GPR137B: variants seen among roughly 807,000 people sequenced by gnomAD.
GPR137B encodes integral membrane protein GPR137B.
A neutral mutation model predicts 42.5 loss-of-function variants in GPR137B; 42 were observed. The observed-to-expected ratio is 0.99, with a 90% CI of 0.77 to 1.28. The LOEUF is 1.28. Ranked by LOEUF, GPR137B falls within the 50% of genes most tolerant of loss-of-function variation. The probability of loss-of-function intolerance (pLI) is 0.00; values close to 1 mark genes in which losing one functional copy is unlikely to be tolerated. For synonymous variants in GPR137B, 218 were observed against 209.7 expected (o/e 1.04, Z -0.34); for missense variants, 487 against 493.9 (o/e 0.99, Z 0.13).
chr1:236,145,388 CAATT>C (rs1463832715), intron 1 of GPR137B, among the ~76,000 whole-genome samples: 2 of 152,190 alleles, frequency 1.3e-5, no homozygotes, highest in African/African-American at 4.8e-5. Context: ...TGACAGCTAA[CAATT>C]AAGAAGTATG....
chr1:236,200,980 T>C (rs946588451), intron 5 of GPR137B, among the ~76,000 whole-genome samples: 3 of 152,006 alleles, frequency 2.0e-5, no homozygotes, highest in Non-Finnish European at 4.4e-5. Flanking sequence ...TGAGGTTTTG[T>C]TTCAAGAATT....
chr1:236,143,049 G>T lies in GPR137B; in HGVS notation c.414+13G>T. 6.3e-7 allele frequency: 1 copy of T among 1,586,488 alleles called. No individual in the cohort carries two copies. The highest frequency in any genetic ancestry group is 8.6e-7 in the Non-Finnish European group (1 of 1,167,248). Reference sequence around the variant, plus strand: ...GTACTTCACGCAGGTGAGTTTCAGAGAGGCTCCTGGAGGCGCTCACCTGGC... The same window carrying T: ...GTACTTCACGCAGGTGAGTTTCAGATAGGCTCCTGGAGGCGCTCACCTGGC... On this transcript the variant is annotated intron_variant, in intron 1 of 6. Transcript: ENST00000366592.
intron 5 of GPR137B, among the ~76,000 whole-genome samples, chr1:236,184,619 A>G (rs1662969643): frequency 6.6e-6 from 1 of 152,210 alleles, no homozygotes; most frequent in Non-Finnish European, 1.5e-5. Flanking sequence ...GAAGGCATAG[A>G]TGAGTAATGT....
At chr1:236,204,755 T>C (rs1336912812) in intron 5 of GPR137B, among the ~76,000 whole-genome samples, 2 of 152,204 alleles carry the variant, frequency 1.3e-5, no homozygotes, top group East Asian at 3.8e-4. Flanking sequence ...TATTGGTCTG[T>C]TCGGGTTTTA....
intron 1 of GPR137B, among the ~76,000 whole-genome samples, chr1:236,163,038 G>A (rs532657771): frequency 2.0e-5 from 3 of 152,314 alleles, no homozygotes; most frequent in South Asian, 2.1e-4. Flanking sequence ...GAAAGCAGCC[G>A]GGAGAGAGGC....
chr1:236,181,694 A>C (rs12066756), intron 4 of GPR137B, among the ~76,000 whole-genome samples: 1,801 of 152,260 alleles, frequency 0.012, 48 homozygotes, highest in African/African-American at 0.042. Flanking sequence ...GAAAGGATTA[A>C]AACCACATCT....
rs1661810685 is a variant in GPR137B at position 236,150,185 on chromosome 1, G to T, written c.414+7149G>T. Among the ~76,000 whole-genome samples the T allele has an allele frequency of 6.7e-6, 1 of 149,206 alleles. No homozygotes were observed. The highest frequency in any genetic ancestry group is 2.1e-4 in the South Asian group (1 of 4,660). On this transcript the variant is annotated intron_variant, in intron 1 of 6. Transcript: ENST00000366592. The surrounding 1 kb of genome is among the most constrained non-coding windows in gnomAD (Gnocchi z 6.2). Reference sequence around the variant, plus strand: ...CATGTGTGTGCCCGTTTGTGTTTGTGTGTGTCTGTGTGCCTGTGTGTGTGT... The same window carrying T: ...CATGTGTGTGCCCGTTTGTGTTTGTTTGTGTCTGTGTGCCTGTGTGTGTGT...
At chr1:236,147,353 T>G (rs1218824897) in intron 1 of GPR137B, among the ~76,000 whole-genome samples, 3 of 152,268 alleles carry the variant, frequency 2.0e-5, no homozygotes, top group Admixed American at 1.3e-4. Flanking sequence ...GTTGACATGA[T>G]GGACTTCAGC....
At chr1:236,188,546 C>T (rs547254903) in intron 5 of GPR137B, among the ~76,000 whole-genome samples, 3 of 152,112 alleles carry the variant, frequency 2.0e-5, no homozygotes, top group East Asian at 1.9e-4. Flanking sequence ...TGAATTTTGT[C>T]GAAGGTCTTT....
chr1:236,208,365 T>C lies in GPR137B; in HGVS notation c.*207T>C, dbSNP rs938901085. 7 of 1,222,312 alleles carry C rather than the reference T, an allele frequency of 5.7e-6. No homozygotes were observed. Among genetic ancestry groups the C allele is most frequent in the Non-Finnish European group, 7.3e-6 (7 of 956,604 alleles). 75.7% of individuals were successfully genotyped at this position (1,222,312 alleles called of 1,614,324 possible). On this transcript the variant is annotated 3_prime_UTR_variant, in exon 7 of 7. Coordinates refer to ENST00000366592, the MANE Select transcript of GPR137B (RefSeq NM_003272.4). Reference sequence around the variant, plus strand: ...TAAAGAGGGAGCCTTGCTATTTCAGTGGGTATAATTTAAACTTTTTAAAGA... The same window carrying C: ...TAAAGAGGGAGCCTTGCTATTTCAGCGGGTATAATTTAAACTTTTTAAAGA...
chr1:236,160,696 A>AG (rs1662164764), intron 1 of GPR137B, among the ~76,000 whole-genome samples: 1 of 152,084 alleles, frequency 6.6e-6, no homozygotes, highest in Non-Finnish European at 1.5e-5. Flanking sequence ...GCTGCCATCC[A>AG]GGGTCTGCCT....
intron 1 of GPR137B, among the ~76,000 whole-genome samples, chr1:236,154,606 G>A (rs999283782): frequency 7.4e-5 from 11 of 148,788 alleles, no homozygotes; most frequent in Admixed American, 2.0e-4. Flanking sequence ...TCGGTGGCAG[G>A]ACACAGGGAG....
intron 5 of GPR137B, among the ~76,000 whole-genome samples, chr1:236,190,628 ATTTTT>A: frequency 6.6e-6 from 1 of 151,032 alleles, no homozygotes; most frequent in East Asian, 2.0e-4. Context: ...TGGGTTGAAA[ATTTTT>A]TTCTTTAAGA....
chr1:236,180,547 A>G (rs1417767220), intron 4 of GPR137B, among the ~76,000 whole-genome samples: 3 of 151,590 alleles, frequency 2.0e-5, no homozygotes, highest in African/African-American at 7.3e-5. Context: ...GAGATTACAT[A>G]TTTGTGTGTA....
At chr1:236,206,482 G>A (rs1197826861) in intron 6 of GPR137B, among the ~76,000 whole-genome samples, 1 of 152,196 alleles carries the variant, frequency 6.6e-6, no homozygotes, top group Admixed American at 6.5e-5. Context: ...TCTACATGCG[G>A]ATCTGGCCCA....
chr1:236,192,241 T>TA (rs1278155856), intron 5 of GPR137B, among the ~76,000 whole-genome samples: 10 of 152,130 alleles, frequency 6.6e-5, no homozygotes, highest in African/African-American at 2.4e-4. Flanking sequence ...TTCAAACCAG[T>TA]GGATCTTAGT....
At chr1:236,145,212 GC>G (rs1661649812) in intron 1 of GPR137B, among the ~76,000 whole-genome samples, 2 of 152,186 alleles carry the variant, frequency 1.3e-5, no homozygotes, top group South Asian at 4.1e-4. Flanking sequence ...GAGTTATAAA[GC>G]CTTTTGTCGC....
At chr1:236,185,102 CT>C (rs1441860336) in intron 5 of GPR137B, among the ~76,000 whole-genome samples, 1 of 152,162 alleles carries the variant, frequency 6.6e-6, no homozygotes, top group Non-Finnish European at 1.5e-5. Context: ...TACACTGTAG[CT>C]TTCTCTGGCA....
chr1:236,144,311 A>G (rs1321015393), intron 1 of GPR137B, among the ~76,000 whole-genome samples: 1 of 152,098 alleles, frequency 6.6e-6, no homozygotes, highest in East Asian at 1.9e-4. Context: ...GCTACTCAGG[A>G]GGCTGAGGTG....
Sources: gnomAD v4.1 joint callset for allele counts (sites outside exome capture counted in the v4.1 genomes callset) on GRCh38, gnomAD v4.1.1 for gene constraint, Gnocchi (gnomAD v3.1) non-coding constraint, MANE v1.5 for transcripts, NCBI Gene and HGNC (gene_info 2026-07-23, HGNC 2026-07-21) for gene names.